Variants in PRKN observed in about 807,000 individuals in gnomAD.
PRKN encodes parkin RBR E3 ubiquitin protein ligase, also known as E3 ubiquitin-protein ligase parkin.
A neutral mutation model predicts 59.5 loss-of-function variants in PRKN; 56 were observed. The observed-to-expected ratio is 0.94, with a 90% CI of 0.76 to 1.18. The LOEUF (loss-of-function observed/expected upper bound fraction) is 1.18. Among genes scored for constraint, PRKN ranks in the 50% most tolerant of loss-of-function variants. The pLI, the probability that PRKN is intolerant of heterozygous loss-of-function variation, is 0.00. For missense variants in PRKN, 657 were observed against 596.4 expected, an observed-to-expected ratio of 1.10 and a Z score of -1.06; for synonymous variants, 250 against 222.1, an observed-to-expected ratio of 1.13 and a Z score of -1.12.
chr6:162,614,362 T>C (rs542099341), intron 1 of PRKN, among the ~76,000 whole-genome samples: 31 of 152,268 alleles, frequency 2.0e-4, no homozygotes, highest in Admixed American at 4.6e-4. Context: ...AAGGGCCACA[T>C]TGTCTGCTTT....
At chr6:161,832,027 T>C (rs866935110) in intron 6 of PRKN, among the ~76,000 whole-genome samples, 3 of 152,188 alleles carry the variant, frequency 2.0e-5, no homozygotes, top group South Asian at 2.1e-4. Flanking sequence ...CATGTGGAAG[T>C]TTCTCCCATG....
intron 1 of PRKN, chr6:162,694,737 T>C (rs1036134823): frequency 1.3e-5 from 2 of 152,238 alleles, no homozygotes; most frequent in African/African-American, 4.8e-5. Flanking sequence ...AAAGGATACA[T>C]TTTTTAAAGT....
rs931227928 is a variant in PRKN, at chr6:161,550,794, T to C, written c.934-1791A>G. 1.3e-5 allele frequency among the ~76,000 whole-genome samples: 2 copies of C among 150,474 alleles called. No homozygotes were observed. Among genetic ancestry groups the C allele is most frequent in the Admixed American group, 6.6e-5 (1 of 15,052 alleles). On this transcript the variant is annotated intron_variant, in intron 8 of 11. Transcript: ENST00000366898. The surrounding 1 kb of genome is among the most constrained non-coding windows in gnomAD (Gnocchi z 4.0). ...TTGAGGCATGAAATAATTATTTCTA[T>C]TGTGCTCGTGTTCAGTTTGATAAGC...
At chr6:161,438,023 C>T (rs1286072670) in intron 9 of PRKN, among the ~76,000 whole-genome samples, 2 of 152,044 alleles carry the variant, frequency 1.3e-5, no homozygotes, top group Non-Finnish European at 2.9e-5. Context: ...AAATACAGAG[C>T]TGGTGTGAGT....
At chr6:161,820,981 T>G (rs778515093) in intron 6 of PRKN, among the ~76,000 whole-genome samples, 1 of 151,972 alleles carries the variant, frequency 6.6e-6, no homozygotes, top group Non-Finnish European at 1.5e-5. Context: ...TATACTATCT[T>G]ATGAATATAA....
At chr6:162,313,496 T>A (rs1262040428) in intron 2 of PRKN, among the ~76,000 whole-genome samples, 1 of 152,158 alleles carries the variant, frequency 6.6e-6, no homozygotes, top group Non-Finnish European at 1.5e-5. Context: ...AATTTTTTTT[T>A]ATTTTTTTGA....
At chr6:162,471,622 GT>G (rs1201130449) in intron 1 of PRKN, among the ~76,000 whole-genome samples, 1 of 151,982 alleles carries the variant, frequency 6.6e-6, no homozygotes, top group Admixed American at 6.6e-5. Context: ...TGTTTTCTGA[GT>G]TTTTACACAT....
At chr6:162,106,025 G>A (rs2128300733) in intron 4 of PRKN, among the ~76,000 whole-genome samples, 1 of 152,304 alleles carries the variant, frequency 6.6e-6, no homozygotes, top group East Asian at 1.9e-4. Context: ...ACATCTGACA[G>A]AATTTAGGAG....
intron 9 of PRKN, among the ~76,000 whole-genome samples, chr6:161,516,325 G>C (rs753534548): frequency 1.3e-5 from 2 of 151,620 alleles, no homozygotes; most frequent in Non-Finnish European, 2.9e-5. Context: ...AAATTAGCTG[G>C]GTGTGATGGC....
At chr6:162,400,077 G>A (rs1787685001) in intron 2 of PRKN, among the ~76,000 whole-genome samples, 1 of 151,960 alleles carries the variant, frequency 6.6e-6, no homozygotes, top group Non-Finnish European at 1.5e-5. Flanking sequence ...CATGGTGGCA[G>A]GTGCCTGTAA....
At chr6:162,271,019 T>TG (rs2128103115) in intron 2 of PRKN, among the ~76,000 whole-genome samples, 1 of 146,210 alleles carries the variant, frequency 6.8e-6, no homozygotes, top group Non-Finnish European at 1.5e-5. Flanking sequence ...TTTTCTAGTT[T>TG]TTTTTTTTTT....
intron 6 of PRKN, among the ~76,000 whole-genome samples, chr6:161,862,304 G>C (rs1192303646): frequency 6.6e-6 from 1 of 152,106 alleles, no homozygotes; most frequent in African/African-American, 2.4e-5. Context: ...TTTTGAGTCA[G>C]GCTTGTCGGG....
chr6:161,986,726 T>G (rs1385889106), intron 5 of PRKN, among the ~76,000 whole-genome samples: 1 of 151,686 alleles, frequency 6.6e-6, no homozygotes, highest in African/African-American at 2.4e-5. Context: ...TGCTGTTGAA[T>G]CCATTGTGCT....
rs149263661 is a variant in PRKN at position 161,525,187 on chromosome 6, C to T, written c.1083+23667G>A. Among the ~76,000 whole-genome samples the T allele has an allele frequency of 9.6e-3, 1,447 of 151,272 alleles. 37 individuals are homozygous for T. Among genetic ancestry groups the T allele is most frequent in the African/African-American group, 0.033 (1,359 of 41,170 alleles). On this transcript the variant is annotated intron_variant, in intron 9 of 11. Coordinates refer to ENST00000366898, the MANE Select transcript of PRKN (RefSeq NM_004562.3). The surrounding 1 kb of genome is among the most constrained non-coding windows in gnomAD (Gnocchi z 4.7). ...TGAGTAGGGTTCTGTGTGAGATGGA[C>T]GGGTGAAGCCATAAGGATATATAGT... is the stretch of plus-strand genomic sequence containing the variant.
chr6:162,370,576 A>AC (rs1785711600), intron 2 of PRKN, among the ~76,000 whole-genome samples: 1 of 152,310 alleles, frequency 6.6e-6, no homozygotes, highest in Non-Finnish European at 1.5e-5. Flanking sequence ...GAGAGAAAGA[A>AC]AGGTGAATCT....
chr6:162,554,029 G>A (rs772895837), intron 1 of PRKN, among the ~76,000 whole-genome samples: 5 of 152,128 alleles, frequency 3.3e-5, no homozygotes, highest in Non-Finnish European at 7.4e-5. Context: ...GCTGTCGCTG[G>A]AGACGCGAAT....
rs534128158 is a variant in PRKN, at chr6:161,633,830, A to T, written c.872-64414T>A. 3.9e-5 allele frequency among the ~76,000 whole-genome samples: 6 copies of T among 152,244 alleles called. No homozygotes were observed. In the South Asian group the frequency reaches 1.2e-3, roughly 32 times the overall value. ...CTCGATTTTTCTAACAGGGGACAAG[A>T]TGCAGGTGCCAGGCAGCTGCTCATA... is the stretch of plus-strand genomic sequence containing the variant. On this transcript the variant is annotated intron_variant, in intron 7 of 11. Transcript: ENST00000366898.
intron 1 of PRKN, among the ~76,000 whole-genome samples, chr6:162,530,615 G>C (rs1158817564): frequency 2.0e-5 from 3 of 152,158 alleles, no homozygotes; most frequent in Non-Finnish European, 4.4e-5. Context: ...TAGGGTTGCT[G>C]TGAGAATGCA....
At chr6:162,199,171 T>G (rs1784618813) in intron 4 of PRKN, among the ~76,000 whole-genome samples, 1 of 151,670 alleles carries the variant, frequency 6.6e-6, no homozygotes, top group Admixed American at 6.6e-5. Flanking sequence ...GTGATCACTG[T>G]GGACATATGA....
Sources: allele counts gnomAD v4.1 joint callset (sites outside exome capture counted in the v4.1 genomes callset), GRCh38; gene constraint gnomAD v4.1.1; non-coding constraint Gnocchi (gnomAD v3.1); transcripts MANE v1.5; gene names NCBI Gene and HGNC (gene_info 2026-07-23, HGNC 2026-07-21).